Variants in HDAC9 observed in about 807,000 individuals in gnomAD.
The protein encoded by HDAC9 is histone deacetylase 9.
A neutral mutation model predicts 139.4 loss-of-function variants in HDAC9; 41 were observed. The ratio of observed to expected loss-of-function variants is 0.29; its 90% CI spans 0.23 to 0.38. The LOEUF is 0.38. Ranked by LOEUF, HDAC9 falls within the 10% of genes least tolerant of loss-of-function variation. The pLI, the probability that HDAC9 is intolerant of heterozygous loss-of-function variation, is 1.00. For synonymous variants in HDAC9, 517 were observed against 476.2 expected, an observed-to-expected ratio of 1.09 and a Z score of -1.12; for missense variants, 1,147 against 1,297.0, an observed-to-expected ratio of 0.88 and a Z score of 1.78.
At chr7:18,392,673 T>A (rs892281320) in intron 1 of HDAC9, among the ~76,000 whole-genome samples, 2 of 152,032 alleles carry the variant, frequency 1.3e-5, no homozygotes, top group African/African-American at 4.8e-5. Context: ...ATTATTGATA[T>A]TGTTAGTATT....
chr7:18,324,429 A>G (rs1259933464), intron 1 of HDAC9, among the ~76,000 whole-genome samples: 1 of 152,180 alleles, frequency 6.6e-6, no homozygotes. Context: ...ATAGGGATGT[A>G]AGAATTATCA....
chr7:18,705,049 A>T (rs768454766), intron 12 of HDAC9, among the ~76,000 whole-genome samples: 1 of 152,220 alleles, frequency 6.6e-6, no homozygotes, highest in Admixed American at 6.5e-5. Context: ...TTTCAATAAT[A>T]TATGATTTTT....
intron 25 of HDAC9, among the ~76,000 whole-genome samples, chr7:18,978,394 T>C (rs1010026085): frequency 2.0e-5 from 3 of 152,054 alleles, no homozygotes; most frequent in Admixed American, 6.6e-5. Flanking sequence ...TTTTCTTGGA[T>C]GGGGGAGGGG....
intron 24 of HDAC9, among the ~76,000 whole-genome samples, chr7:18,969,454 T>C (rs1784107393): frequency 6.6e-6 from 1 of 152,112 alleles, no homozygotes; most frequent in African/African-American, 2.4e-5. Context: ...TCTCAAATAA[T>C]ATGACAAAAT....
intron 6 of HDAC9, among the ~76,000 whole-genome samples, chr7:18,620,406 A>G (rs188940535): frequency 2.6e-5 from 4 of 152,208 alleles, no homozygotes; most frequent in East Asian, 3.9e-4. Flanking sequence ...TTAAAATGTC[A>G]TAAAAATTTT....
chr7:18,398,639 A>G (rs1453858483), intron 1 of HDAC9, among the ~76,000 whole-genome samples: 2 of 152,150 alleles, frequency 1.3e-5, no homozygotes, highest in Admixed American at 6.6e-5. Context: ...GTGTTAGCCC[A>G]TTGAATTCTT....
chr7:18,443,898 T>C (rs572677409), intron 1 of HDAC9, among the ~76,000 whole-genome samples: 1 of 151,686 alleles, frequency 6.6e-6, no homozygotes, highest in South Asian at 2.1e-4. Context: ...TGTATATACA[T>C]TTGTATAAAC....
chr7:18,281,611 A>C (rs1797112272), intron 2 of HDAC9, among the ~76,000 whole-genome samples: 1 of 152,228 alleles, frequency 6.6e-6, no homozygotes, highest in South Asian at 2.1e-4. Context: ...ATGCTCAATT[A>C]CCTTAGCTTC....
chr7:18,788,992 G>T (rs529784969), intron 16 of HDAC9, among the ~76,000 whole-genome samples: 30 of 151,960 alleles, frequency 2.0e-4, no homozygotes, highest in Non-Finnish European at 4.0e-4. Context: ...AAGCATGCCT[G>T]GTTGTCACAG....
intron 23 of HDAC9, among the ~76,000 whole-genome samples, chr7:18,937,483 A>G (rs1024863372): frequency 2.6e-5 from 4 of 152,170 alleles, no homozygotes; most frequent in African/African-American, 4.8e-5. Flanking sequence ...TGATCCCTGT[A>G]CACCAATAAT....
At chr7:18,806,210 A>G (rs537658816) in intron 17 of HDAC9, among the ~76,000 whole-genome samples, 1 of 152,342 alleles carries the variant, frequency 6.6e-6, no homozygotes, top group African/African-American at 2.4e-5. Context: ...TCAGTGCATT[A>G]TTAACTTTCT....
At chr7:18,669,754 A>C (rs1228865885) in intron 12 of HDAC9, among the ~76,000 whole-genome samples, 3 of 151,852 alleles carry the variant, frequency 2.0e-5, no homozygotes, top group African/African-American at 7.2e-5. Flanking sequence ...TTTTAAAACA[A>C]AGCATCAATC....
rs1429537638 is a variant in HDAC9 at position 18,421,245 on chromosome 7, A to C, written c.-41-75017A>C. Among the ~76,000 whole-genome samples, 4 of 152,314 alleles carry C rather than the reference A, an allele frequency of 2.6e-5. No homozygotes were observed. The East Asian group carries it at 7.7e-4, about 29-fold the overall frequency. On this transcript the variant is annotated intron_variant, in intron 1 of 3. Transcript: ENST00000413509. Reference sequence around the variant, plus strand: ...TTGCAAAGTGAGTTAGTTTAAAAGTAGTTCTTTAAGAAACAGGTAAATTTC... The same window carrying C: ...TTGCAAAGTGAGTTAGTTTAAAAGTCGTTCTTTAAGAAACAGGTAAATTTC...
chr7:18,472,198 A>G (rs762554838), intron 1 of HDAC9, among the ~76,000 whole-genome samples: 1 of 152,086 alleles, frequency 6.6e-6, no homozygotes, highest in Non-Finnish European at 1.5e-5. Flanking sequence ...ATCCCTCTCT[A>G]CTTCCAAGAA....
At chr7:18,436,637 T>A (rs1239614062) in intron 1 of HDAC9, among the ~76,000 whole-genome samples, 1 of 152,238 alleles carries the variant, frequency 6.6e-6, no homozygotes, top group Non-Finnish European at 1.5e-5. Context: ...CTGCTATGAA[T>A]GGTTATACCT....
intron 12 of HDAC9, among the ~76,000 whole-genome samples, chr7:18,681,343 A>G (rs1781875260): frequency 6.6e-6 from 1 of 152,058 alleles, no homozygotes; most frequent in Non-Finnish European, 1.5e-5. Context: ...TGTTCTCAAT[A>G]TTTTAGCCTT....
chr7:18,125,778 C>G (rs1784627516), intron 1 of HDAC9, among the ~76,000 whole-genome samples: 1 of 152,116 alleles, frequency 6.6e-6, no homozygotes, highest in South Asian at 2.1e-4. Context: ...TCCATTAACA[C>G]TTTAGCTATG....
Position 18,647,778 on chromosome 7 carries a change from A to T in HDAC9, c.1036-7A>T. The T allele has an allele frequency of 6.3e-7, 1 of 1,599,518 alleles. No individual in the cohort carries two copies. The highest frequency in any genetic ancestry group is 1.7e-4 in the Middle Eastern group (1 of 6,028). ...AGGATTAACATCTTTGTTATTTCTC[A>T]ACACAGGCTTCGAATTCACTCAAAG... is the stretch of plus-strand genomic sequence containing the variant. On this transcript the variant is annotated splice_polypyrimidine_tract_variant and splice_region_variant and intron_variant, in intron 9 of 25. Transcript: ENST00000686413.
At chr7:18,184,095 T>G (rs556485548) in intron 2 of HDAC9, among the ~76,000 whole-genome samples, 1 of 152,316 alleles carries the variant, frequency 6.6e-6, no homozygotes, top group Non-Finnish European at 1.5e-5. Flanking sequence ...TTGGAATATT[T>G]GCATATAAAT....
Sources: allele counts gnomAD v4.1 joint callset (sites outside exome capture counted in the v4.1 genomes callset), GRCh38; gene constraint gnomAD v4.1.1; transcripts MANE v1.5; gene names NCBI Gene and HGNC (gene_info 2026-07-23, HGNC 2026-07-21).